The following MYOCD variants were observed in gnomAD, a reference collection of about 807,000 sequenced individuals.
The protein encoded by MYOCD is myocardin.
MYOCD carries 32 observed loss-of-function variants against 96.1 expected under a neutral mutation model. The ratio of observed to expected loss-of-function variants is 0.33; its 90% CI spans 0.25 to 0.45. The LOEUF is 0.45. Among genes scored for constraint, MYOCD ranks in the 20% least tolerant of loss-of-function variants. The probability of loss-of-function intolerance (pLI) is 1.00; values close to 1 mark genes in which losing one functional copy is unlikely to be tolerated. For missense variants in MYOCD, 1,133 were observed against 1,200.6 expected (o/e 0.94, Z 0.83); for synonymous variants, 469 against 469.0 (o/e 1.00, Z 0.00).
rs2033367347 is a variant in MYOCD, at chr17:12,767,299, A to C, written c.*3655A>C. 6.6e-6 allele frequency: 1 copy of C among 151,916 alleles called. No individual in the cohort carries two copies. Among genetic ancestry groups the C allele is most frequent in the Non-Finnish European group, 1.5e-5 (1 of 67,960 alleles). The allele number at this position is 151,916 out of a possible 1,614,324, so 9.4% of individuals were successfully genotyped here. On this transcript the variant is annotated 3_prime_UTR_variant, in exon 14 of 14. Coordinates refer to ENST00000425538, the MANE Select transcript of MYOCD (RefSeq NM_001146312.3). ...TTCAAAAACATTTATGTCCAACCTGAAAAAAAAGCATCAATAAAACCTATC... is the reference window on the plus strand; with the variant it reads ...TTCAAAAACATTTATGTCCAACCTGCAAAAAAAGCATCAATAAAACCTATC...
At chr17:12,749,543 T>TATATAC (rs751035943) in intron 9 of MYOCD, among the ~76,000 whole-genome samples, 23 of 148,328 alleles carry the variant, frequency 1.6e-4, no homozygotes, top group Non-Finnish European at 1.6e-4. Context: ...CTTATATATA[T>TATATAC]ATATGTATGT....
chr17:12,719,338 C>T (rs576451167), intron 4 of MYOCD, among the ~76,000 whole-genome samples: 193 of 151,888 alleles, frequency 1.3e-3, no homozygotes, highest in African/African-American at 4.4e-3. Flanking sequence ...ATTTGATAAC[C>T]TGTATCAAAC....
At chr17:12,676,239 GCGCACGCACA>G (rs1440506218) in intron 1 of MYOCD, among the ~76,000 whole-genome samples, 1 of 104,880 alleles carries the variant, frequency 9.5e-6, no homozygotes, top group Admixed American at 1.2e-4. Flanking sequence ...CCCCCTGCGC[GCGCACGCACA>G]CACACACACA....
At chr17:12,743,048 A>C (rs562229724) in intron 7 of MYOCD, among the ~76,000 whole-genome samples, 1 of 152,326 alleles carries the variant, frequency 6.6e-6, no homozygotes, top group South Asian at 2.1e-4. Flanking sequence ...AAAAGTAAAG[A>C]ATATTTTCTC....
At chr17:12,737,630 C>T (rs1224636789) in intron 6 of MYOCD, among the ~76,000 whole-genome samples, 1 of 152,178 alleles carries the variant, frequency 6.6e-6, no homozygotes, top group African/African-American at 2.4e-5. Flanking sequence ...CCCTTCAGAC[C>T]CTCAGCCCCT....
At chr17:12,721,378 C>A (rs2031833316) in intron 4 of MYOCD, among the ~76,000 whole-genome samples, 1 of 152,096 alleles carries the variant, frequency 6.6e-6, no homozygotes, top group African/African-American at 2.4e-5. Flanking sequence ...TCAGAGGCAA[C>A]AAGATGAAGG....
intron 4 of MYOCD, 51 bp downstream of exon 4, chr17:12,717,472 AT>A: frequency 2.8e-6 from 4 of 1,439,470 alleles, no homozygotes; most frequent in Non-Finnish European, 3.9e-6. Context: ...ATGGTGGGCC[AT>A]TTTCCCAGAG....
In MYOCD at chr17:12,756,434, C is replaced by T; in HGVS notation, c.2079C>T (p.Gly693=). ...CTAQNSGAHD[G]HPPSFSPHSS... is the part of the protein sequence containing the mutation. ...TGCAGAACTCAGGAGCACACGATGG[C>T]CATCCTCCAAGCTTCTCTCCCCATT... Residue 693 remains glycine, a synonymous_variant, in exon 11 of 14, where the codon GGC becomes GGT. Transcript: ENST00000425538. The T allele has an allele frequency of 6.4e-7, 1 of 1,552,138 alleles. No individual in the cohort carries two copies. The highest frequency in any genetic ancestry group is 1.2e-5 in the South Asian group (1 of 84,052).
intron 10 of MYOCD, among the ~76,000 whole-genome samples, chr17:12,755,890 A>T (rs2032998246): frequency 1.3e-5 from 2 of 152,262 alleles, no homozygotes; most frequent in Admixed American, 1.3e-4. Flanking sequence ...TGAATAAAAT[A>T]AAAAAATAAA....
intron 5 of MYOCD, among the ~76,000 whole-genome samples, chr17:12,734,005 T>C (rs998917353): frequency 6.6e-6 from 1 of 152,186 alleles, no homozygotes; most frequent in African/African-American, 2.4e-5. Context: ...CTATTTTTAT[T>C]ATTTGCTCTC....
chr17:12,670,464 G>C (rs1346117208), intron 1 of MYOCD, among the ~76,000 whole-genome samples: 1 of 152,132 alleles, frequency 6.6e-6, no homozygotes, highest in Non-Finnish European at 1.5e-5. Flanking sequence ...CTCAGGAATT[G>C]AGCTTAGCCT....
In MYOCD at chr17:12,744,051, T is replaced by C. The variant is rs182044951; in HGVS notation, c.718-132T>C. ...TGTCCTAGGAGCTCTTTGTACATCATGCCTTTGCTATATTATATTTCTGAG... is the reference window on the plus strand; with the variant it reads ...TGTCCTAGGAGCTCTTTGTACATCACGCCTTTGCTATATTATATTTCTGAG... On this transcript the variant is annotated intron_variant, in intron 7 of 13. Transcript: ENST00000425538. 9,270 of 1,077,004 alleles carry C rather than the reference T, an allele frequency of 8.6e-3. 60 individuals are homozygous for C. Among genetic ancestry groups the C allele is most frequent in the Non-Finnish European group, 0.011 (8,116 of 748,420 alleles). The allele number at this position is 1,077,004 out of a possible 1,614,324, so 66.7% of individuals were successfully genotyped here.
In MYOCD at chr17:12,666,147, G is replaced by A. The variant is rs1371788523; in HGVS notation, c.-42G>A. On this transcript the variant is annotated 5_prime_UTR_variant, in exon 1 of 14. Transcript: ENST00000425538. ...GGAGCCTGTTGCTGGTGGAGAACAGGGGGCGCCTGGCCAAGGGACCAGCGG... is the reference window on the plus strand; with the variant it reads ...GGAGCCTGTTGCTGGTGGAGAACAGAGGGCGCCTGGCCAAGGGACCAGCGG... 1.3e-6 allele frequency: 2 copies of A among 1,553,612 alleles called. No individual in the cohort carries two copies. Among genetic ancestry groups the A allele is most frequent in the Non-Finnish European group, 1.8e-6 (2 of 1,126,464 alleles).
chr17:12,739,467 G>A, intron 7 of MYOCD, 139 bp downstream of exon 7: 1 of 974,296 alleles, frequency 1.0e-6, no homozygotes, highest in South Asian at 2.8e-5. Context: ...CTCACTAGGA[G>A]GGTCACAAAA....
At chr17:12,690,737 G>A (rs7225841) in intron 1 of MYOCD, among the ~76,000 whole-genome samples, 11 of 152,228 alleles carry the variant, frequency 7.2e-5, no homozygotes, top group Admixed American at 2.6e-4. Context: ...GGAAGGGGAC[G>A]AGGGAAATTT....
chr17:12,669,776 G>A (rs374084569), intron 1 of MYOCD, among the ~76,000 whole-genome samples: 75 of 152,058 alleles, frequency 4.9e-4, no homozygotes, highest in African/African-American at 1.3e-3. Flanking sequence ...CCGCTACCAC[G>A]CCCGGCTAAT....
chr17:12,752,110 G>T (rs998423939), intron 9 of MYOCD, among the ~76,000 whole-genome samples: 1 of 152,162 alleles, frequency 6.6e-6, no homozygotes, highest in Non-Finnish European at 1.5e-5. Context: ...ATAAAATGGG[G>T]ACACAGATCG....
intron 8 of MYOCD, 117 bp downstream of exon 8, chr17:12,744,553 T>C: frequency 7.3e-7 from 1 of 1,362,404 alleles, no homozygotes; most frequent in South Asian, 1.5e-5. Context: ...CATTTCCTCA[T>C]CCAGTATGTT....
intron 2 of MYOCD, among the ~76,000 whole-genome samples, chr17:12,709,458 G>A (rs947109469): frequency 2.0e-5 from 3 of 152,268 alleles, no homozygotes; most frequent in Admixed American, 2.0e-4. Flanking sequence ...AGGGTTCTGA[G>A]GCCAGCACAG....
Sources: allele counts gnomAD v4.1 joint callset (sites outside exome capture counted in the v4.1 genomes callset), GRCh38; gene constraint gnomAD v4.1.1; transcripts MANE v1.5; gene names NCBI Gene and HGNC (gene_info 2026-07-23, HGNC 2026-07-21).